Variants in FGF13 observed in about 807,000 individuals in gnomAD.
The protein encoded by FGF13 is fibroblast growth factor 13, also known as fibroblast growth factor homologous factor 2.
A neutral mutation model predicts 19.5 loss-of-function variants in FGF13; 2 were observed. The ratio of observed to expected loss-of-function variants is 0.10; its 90% confidence interval spans 0.04 to 0.32. FGF13 has a LOEUF of 0.32. Among genes scored for constraint, FGF13 ranks in the 10% least tolerant of loss-of-function variants. FGF13 has a pLI of 1.00. For missense variants in FGF13, 113 were observed against 192.7 expected, an observed-to-expected ratio of 0.59 and a Z score of 2.45; for synonymous variants, 72 against 76.9, an observed-to-expected ratio of 0.94 and a Z score of 0.33.
At chrX:139,172,392 T>C (rs893604923) in intron 1 of FGF13, among the ~76,000 whole-genome samples, 6 of 111,397 alleles carry the variant, frequency 5.4e-5, no homozygotes, top group African/African-American at 2.0e-4. Context: ...GATTCAAATA[T>C]GGGGCTTGCG....
Position 138,840,752 on chromosome X carries a change from G to A in FGF13, c.217+16760C>T, listed in dbSNP as rs190152637. ...ATTTTGAATCAGGATATAAAGGTAC[G>A]AAGTCCAGTGGCCAGGGTGGTGGTC... On this transcript the variant is annotated intron_variant, in intron 3 of 6. Transcript: ENST00000436198. Among the ~76,000 whole-genome samples the A allele has an allele frequency of 5.6e-4, 62 of 111,538 alleles. No homozygotes were observed. In the Admixed American group the frequency reaches 5.7e-3, roughly 10 times the overall value.
chrX:138,857,612 C>T (rs768993513), exon 3 of FGF13: 19 of 1,206,231 alleles, frequency 1.6e-5, no homozygotes, highest in African/African-American at 1.8e-5. Context: ...TCTTTAATTC[C>T]GCAGATTGGA....
intron 1 of FGF13, among the ~76,000 whole-genome samples, chrX:138,962,564 T>C (rs1468760996): frequency 8.9e-6 from 1 of 112,229 alleles, no homozygotes; most frequent in African/African-American, 3.2e-5. Flanking sequence ...ACTGCAGCAC[T>C]ATTCACAATA....
chrX:138,959,475 T>C (rs2091858428), intron 1 of FGF13, among the ~76,000 whole-genome samples: 1 of 112,129 alleles, frequency 8.9e-6, no homozygotes, highest in Admixed American at 9.5e-5. Flanking sequence ...TGTGATGTGG[T>C]GCTGAGAACA....
At chrX:138,949,453 G>A (rs764497650) in intron 1 of FGF13, among the ~76,000 whole-genome samples, 38 of 111,136 alleles carry the variant, frequency 3.4e-4, no homozygotes, top group Non-Finnish European at 6.2e-4. Flanking sequence ...TCTCACCTGT[G>A]TGCCCGTGTC....
intron 1 of FGF13, among the ~76,000 whole-genome samples, chrX:139,048,228 G>C (rs772111910): frequency 9.0e-6 from 1 of 111,169 alleles, no homozygotes; most frequent in East Asian, 2.8e-4. Flanking sequence ...TATTGAAAAA[G>C]TCACAGTTTT....
intron 1 of FGF13, among the ~76,000 whole-genome samples, chrX:139,043,402 G>A (rs1304546532): frequency 1.8e-5 from 2 of 110,391 alleles, no homozygotes; most frequent in Non-Finnish European, 3.8e-5. Flanking sequence ...TTGTAGAGAC[G>A]GAGATTCAGC....
At chrX:138,980,638 A>T (rs1482905230) in intron 1 of FGF13, among the ~76,000 whole-genome samples, 3 of 107,680 alleles carry the variant, frequency 2.8e-5, no homozygotes, top group Non-Finnish European at 3.8e-5. Context: ...AGAGAATAGT[A>T]ATGATCGTCA....
chrX:139,071,489 T>A (rs1265408185), intron 1 of FGF13, among the ~76,000 whole-genome samples: 1 of 111,903 alleles, frequency 8.9e-6, no homozygotes, highest in African/African-American at 3.2e-5. Flanking sequence ...CATGTTACTG[T>A]TGTCCAAGAG....
intron 3 of FGF13, among the ~76,000 whole-genome samples, chrX:138,763,474 G>T (rs1378938119): frequency 1.8e-5 from 2 of 111,903 alleles, no homozygotes; most frequent in African/African-American, 3.3e-5. Context: ...ACAAAAGCGT[G>T]GCTTGTTGTA....
rs10666140 is a variant in FGF13 at position 138,978,266 on chromosome X, G to GTTTTTTTTTTTTTTTTTTTT, written c.-112-113617_-112-113616insAAAAAAAAAAAAAAAAAAAA. On this transcript the variant is annotated intron_variant, in intron 1 of 2. Transcript: ENST00000421460. ...TAATCTCTATGGGCTAGCTGCCCTG[G>GTTTTTTTTTTTTTTTTTTTT]TTTTTTTTTTTTTTGAGATGGAGTC... Among the ~76,000 whole-genome samples the GTTTTTTTTTTTTTTTTTTTT allele has an allele frequency of 1.4e-3, 117 of 82,887 alleles. 10 individuals are homozygous for GTTTTTTTTTTTTTTTTTTTT. The highest frequency in any genetic ancestry group is 7.1e-3 in the Middle Eastern group (1 of 140). The allele number at this position is 82,887 out of a possible 115,157, so 72.0% of individuals were successfully genotyped here. A position where few individuals can be genotyped will look rare whatever the true frequency, so the allele number is the denominator to read the frequency against.
intron 1 of FGF13, among the ~76,000 whole-genome samples, chrX:138,878,979 G>A (rs1432051293): frequency 1.3e-4 from 14 of 111,240 alleles, no homozygotes; most frequent in Admixed American, 7.6e-4. Context: ...CATATCCTTC[G>A]CCCACTTTTT....
At chrX:138,731,812 C>T (rs1206924288) in intron 1 of FGF13, among the ~76,000 whole-genome samples, 2 of 110,339 alleles carry the variant, frequency 1.8e-5, no homozygotes, top group Non-Finnish European at 3.8e-5. Flanking sequence ...AAAAATGAAT[C>T]ATTAATATAA....
At chrX:139,104,598 C>G (rs907917752) in intron 1 of FGF13, among the ~76,000 whole-genome samples, 2 of 111,714 alleles carry the variant, frequency 1.8e-5, no homozygotes, top group African/African-American at 6.5e-5. Flanking sequence ...GTACCATAGA[C>G]TAAGTGGCTT....
chrX:138,971,199 G>T (rs924163344), intron 1 of FGF13, among the ~76,000 whole-genome samples: 6 of 111,753 alleles, frequency 5.4e-5, no homozygotes, highest in African/African-American at 2.0e-4. Context: ...CCTATTAGCT[G>T]TATGGCTTTT....
intron 1 of FGF13, among the ~76,000 whole-genome samples, chrX:139,177,931 CA>C (rs1341056627): frequency 1.8e-5 from 2 of 112,265 alleles, no homozygotes; most frequent in Non-Finnish European, 3.8e-5. Context: ...GTCCGGAATG[CA>C]CTGTTCCTCA....
intron 1 of FGF13, among the ~76,000 whole-genome samples, chrX:138,894,055 G>A (rs1005174545): frequency 3.6e-5 from 4 of 111,676 alleles, no homozygotes; most frequent in African/African-American, 9.8e-5. Context: ...TATATGAGCC[G>A]AATGGACTTA....
intron 1 of FGF13, among the ~76,000 whole-genome samples, chrX:139,066,102 T>G (rs2092355414): frequency 9.0e-6 from 1 of 111,306 alleles, no homozygotes; most frequent in Non-Finnish European, 1.9e-5. Flanking sequence ...AAGACAGAAA[T>G]AAAGATGTTC....
At position 138,649,656 on chromosome X, in the gene FGF13, GT is replaced by G. The variant is rs1480683884; in HGVS notation, c.403-14002del. 2.7e-5 allele frequency among the ~76,000 whole-genome samples: 3 copies of G among 112,307 alleles called. No individual in the cohort carries two copies. The Admixed American group carries it at 2.8e-4, about 11-fold the overall frequency. On this transcript the variant is annotated intron_variant, in intron 3 of 4. Transcript: ENST00000315930. Reference sequence around the variant, plus strand: ...TTCTTTGACTGACTCTCAAATGTCAGTTGTTCAGAAAAGAAGACATTCAATT... The same window carrying G: ...TTCTTTGACTGACTCTCAAATGTCAGTGTTCAGAAAAGAAGACATTCAATT...
Sources: allele counts gnomAD v4.1 joint callset (sites outside exome capture counted in the v4.1 genomes callset), GRCh38; gene constraint gnomAD v4.1.1; transcripts MANE v1.5; gene names NCBI Gene and HGNC (gene_info 2026-07-23, HGNC 2026-07-21).